The following XPNPEP1 variants were observed in gnomAD, a reference collection of about 807,000 sequenced individuals.
XPNPEP1 encodes the protein xaa-Pro aminopeptidase 1.
Under a neutral mutation model 92.4 loss-of-function variants are expected in XPNPEP1, and 39 were observed. That is an observed-to-expected ratio of 0.42 (90% CI 0.33 to 0.55). The LOEUF (loss-of-function observed/expected upper bound fraction) is 0.55. Among genes scored for constraint, XPNPEP1 ranks in the 20% least tolerant of loss-of-function variants. The pLI, the probability that XPNPEP1 is intolerant of heterozygous loss-of-function variation, is 0.08. For missense variants in XPNPEP1, 654 were observed against 856.1 expected (o/e 0.76, Z 2.95); for synonymous variants, 307 against 299.4 (o/e 1.03, Z -0.26).
At chr10:109,890,874 T>C (rs1407784004) in intron 5 of XPNPEP1, among the ~76,000 whole-genome samples, 1 of 152,160 alleles carries the variant, frequency 6.6e-6, no homozygotes, top group Non-Finnish European at 1.5e-5. Flanking sequence ...CTCTGTTTCC[T>C]GCTGTGAGTC....
chr10:109,902,723 CAATA>C (rs1849351124), intron 3 of XPNPEP1, among the ~76,000 whole-genome samples: 1 of 152,210 alleles, frequency 6.6e-6, no homozygotes, highest in Non-Finnish European at 1.5e-5. Context: ...GTGACTTCTG[CAATA>C]AGAGCAACAG....
chr10:109,884,053 G>T lies in XPNPEP1; in HGVS notation c.830+14C>A, dbSNP rs1364874349. ...GCTCTGGAAGGGAGTTCCAGATGCA[G>T]GGCAAACACTCACATGATCGTCTCT... is the stretch of plus-strand genomic sequence containing the variant. On this transcript the variant is annotated intron_variant, in intron 9 of 20. Coordinates refer to ENST00000502935, the MANE Select transcript of XPNPEP1 (RefSeq NM_020383.4). 6.2e-7 allele frequency: 1 copy of T among 1,612,146 alleles called. No homozygotes were observed. Among genetic ancestry groups the T allele is most frequent in the Non-Finnish European group, 8.5e-7 (1 of 1,179,070 alleles).
chr10:109,883,546 C>T (rs1168975622), intron 9 of XPNPEP1, among the ~76,000 whole-genome samples: 3 of 152,110 alleles, frequency 2.0e-5, no homozygotes, highest in Non-Finnish European at 1.5e-5. Context: ...GTTTCAGTCA[C>T]CCTAGCACCT....
chr10:109,872,283 G>A (rs975872432), intron 16 of XPNPEP1, among the ~76,000 whole-genome samples: 1 of 152,250 alleles, frequency 6.6e-6, no homozygotes, highest in Admixed American at 6.5e-5. Flanking sequence ...GCTTCACAGA[G>A]AGATTCAGTA....
At position 109,870,671 on chromosome 10, in the gene XPNPEP1, C is replaced by T. The variant is rs114938116; in HGVS notation, c.1696+60G>A. On this transcript the variant is annotated intron_variant, in intron 18 of 20. Coordinates refer to ENST00000502935, the MANE Select transcript of XPNPEP1 (RefSeq NM_020383.4). Reference sequence around the variant, plus strand: ...AAACTAATTAAAAAATACAAAACAACGAATAGCTTTCAAAAAGGCTCAAGG... The same window carrying T: ...AAACTAATTAAAAAATACAAAACAATGAATAGCTTTCAAAAAGGCTCAAGG... The T allele has an allele frequency of 1.2e-3, 1,874 of 1,527,912 alleles. 27 individuals are homozygous for T. The African/African-American group carries it at 0.024, about 19-fold the overall frequency. The allele number at this position is 1,527,912 out of a possible 1,614,324, so 94.6% of individuals were successfully genotyped here.
chr10:109,888,690 G>T, intron 5 of XPNPEP1, 95 bp from the exon 6 acceptor site: 1 of 984,690 alleles, frequency 1.0e-6, no homozygotes, highest in Admixed American at 3.1e-5. Context: ...ATGATAGCAG[G>T]GTCTTTATTA....
intron 5 of XPNPEP1, among the ~76,000 whole-genome samples, chr10:109,889,421 T>G (rs1468672710): frequency 6.6e-6 from 1 of 152,228 alleles, no homozygotes; most frequent in Non-Finnish European, 1.5e-5. Flanking sequence ...CAGGTTGGTC[T>G]TGAACTCCTG....
chr10:109,909,126 C>T (rs1849719587), intron 2 of XPNPEP1, among the ~76,000 whole-genome samples: 1 of 152,110 alleles, frequency 6.6e-6, no homozygotes, highest in Non-Finnish European at 1.5e-5. Context: ...AAAAAGTTAG[C>T]CAGGCGTGGT....
intron 3 of XPNPEP1, among the ~76,000 whole-genome samples, chr10:109,893,732 A>G (rs1758532556): frequency 6.6e-6 from 1 of 152,230 alleles, no homozygotes; most frequent in South Asian, 2.1e-4. Flanking sequence ...AGAAATTCTT[A>G]CGCGTGGGCA....
rs1049315253 is a variant in XPNPEP1, at chr10:109,884,407, T to C, written c.749-259A>G. The C allele has an allele frequency of 7.1e-5, 30 of 425,430 alleles. No homozygotes were observed. In the East Asian group the frequency reaches 1.1e-3, roughly 15 times the overall value. 26.4% of individuals were successfully genotyped at this position (425,430 alleles called of 1,614,324 possible). A position where few individuals can be genotyped will look rare whatever the true frequency, so the allele number is the denominator to read the frequency against. ...CGGAGAAGGGAATAAAAGCTATTAG[T>C]TGAAATCCTGAGAACTGCCCCCACA... is the stretch of plus-strand genomic sequence containing the variant. On this transcript the variant is annotated intron_variant, in intron 8 of 20. Transcript: ENST00000502935.
chr10:109,881,471 G>A (rs1432151902), intron 10 of XPNPEP1, among the ~76,000 whole-genome samples: 2 of 152,202 alleles, frequency 1.3e-5, no homozygotes, highest in African/African-American at 2.4e-5. Flanking sequence ...TCCAGCAGAG[G>A]GGCCTCAGCA....
chr10:109,914,777 C>A (rs1316894406), intron 2 of XPNPEP1, among the ~76,000 whole-genome samples: 1 of 130,720 alleles, frequency 7.6e-6, no homozygotes, highest in Non-Finnish European at 1.6e-5. Flanking sequence ...GGCTGGGTGA[C>A]CAAGGGCGAG....
chr10:109,876,008 A>C (rs541346681), intron 14 of XPNPEP1: 1 of 162,852 alleles, frequency 6.1e-6, no homozygotes, highest in Non-Finnish European at 1.3e-5. Flanking sequence ...TGTCTCTGGG[A>C]GCCCCAGGCC....
chr10:109,922,552 C>G (rs1350995965), intron 1 of XPNPEP1, among the ~76,000 whole-genome samples: 6 of 152,172 alleles, frequency 3.9e-5, no homozygotes. Flanking sequence ...CAAACACAAG[C>G]AGGAGCCATG....
chr10:109,883,913 A>G (rs1423567685), intron 9 of XPNPEP1, 154 bp downstream of exon 9: 1 of 699,976 alleles, frequency 1.4e-6, no homozygotes, highest in Non-Finnish European at 2.4e-6. Flanking sequence ...ACCTACTGCT[A>G]AGGAAAACAA....
chr10:109,898,514 A>T (rs1849104431), intron 3 of XPNPEP1, among the ~76,000 whole-genome samples: 1 of 152,226 alleles, frequency 6.6e-6, no homozygotes, highest in Non-Finnish European at 1.5e-5. Flanking sequence ...GACCAAGCTC[A>T]GAGGTTTGAC....
chr10:109,906,530 A>C (rs936579581), intron 3 of XPNPEP1, among the ~76,000 whole-genome samples: 1 of 152,174 alleles, frequency 6.6e-6, no homozygotes, highest in African/African-American at 2.4e-5. Context: ...TAACTCTGAG[A>C]GCACCATTCA....
intron 5 of XPNPEP1, among the ~76,000 whole-genome samples, chr10:109,889,769 T>G (rs1281811698): frequency 6.6e-6 from 1 of 152,190 alleles, no homozygotes; most frequent in Non-Finnish European, 1.5e-5. Flanking sequence ...AGTAGAAACT[T>G]ATCTTTACTA....
At chr10:109,905,158 CA>C (rs971135313) in intron 3 of XPNPEP1, among the ~76,000 whole-genome samples, 12 of 152,068 alleles carry the variant, frequency 7.9e-5, no homozygotes, top group Non-Finnish European at 1.8e-4. Flanking sequence ...AAGCCAGTCA[CA>C]AAAAGACAAA....
Sources: allele counts gnomAD v4.1 joint callset (sites outside exome capture counted in the v4.1 genomes callset), GRCh38; gene constraint gnomAD v4.1.1; transcripts MANE v1.5; gene names NCBI Gene and HGNC (gene_info 2026-07-23, HGNC 2026-07-21).